MLLT11: variants seen among roughly 807,000 people sequenced by gnomAD.
The protein encoded by MLLT11 is MLLT11 transcription factor 7 cofactor.
MLLT11 carries 1 observed loss-of-function variant against 5.3 expected under a neutral mutation model. The ratio of observed to expected loss-of-function variants is 0.19; its 90% CI spans 0.07 to 0.89. MLLT11 has a LOEUF of 0.89. Ranked by LOEUF, MLLT11 falls within the 40% of genes least tolerant of loss-of-function variation. The pLI, the probability that MLLT11 is intolerant of heterozygous loss-of-function variation, is 0.67. For missense variants in MLLT11, 87 were observed against 107.3 expected, an observed-to-expected ratio of 0.81 and a Z score of 0.83; for synonymous variants, 38 against 41.7, an observed-to-expected ratio of 0.91 and a Z score of 0.34.
chr1:151,062,138 G>A (rs1022301720), intron 1 of MLLT11, among the ~76,000 whole-genome samples: 7 of 151,382 alleles, frequency 4.6e-5, no homozygotes, highest in Admixed American at 1.3e-4. Flanking sequence ...CCTAAACCAC[G>A]GAAAATCTAT....
Position 151,067,382 on chromosome 1 carries a change from C to A in MLLT11, c.158C>A (p.Thr53Asn). 1 of 1,614,174 alleles carries A rather than the reference C, an allele frequency of 6.2e-7. No individual in the cohort carries two copies. The highest frequency in any genetic ancestry group is 2.2e-5 in the East Asian group (1 of 44,880). ...SSVGKMIGQA[T>N]AADQEKNPEG... ...GTTGGCAAAATGATCGGGCAAGCAA[C>A]TGCAGCAGACCAGGAGAAAAACCCT... Residue 53 changes from threonine (T) to asparagine (N), a missense_variant, in exon 2 of 2, where the codon ACT (threonine) becomes AAT (asparagine). By Grantham distance (65) the Thr-to-Asn change is moderately conservative. Transcript: ENST00000368921.
At chr1:151,063,223 TAC>T (rs756107094) in intron 1 of MLLT11, among the ~76,000 whole-genome samples, 9 of 152,182 alleles carry the variant, frequency 5.9e-5, no homozygotes, top group Non-Finnish European at 1.2e-4. Context: ...TCTGCCTTAG[TAC>T]AGTCATTTCA....
intron 1 of MLLT11, among the ~76,000 whole-genome samples, chr1:151,062,137 C>T (rs1007210870): frequency 6.6e-6 from 1 of 151,702 alleles, no homozygotes; most frequent in East Asian, 1.9e-4. Context: ...ACCTAAACCA[C>T]GGAAAATCTA....
intron 1 of MLLT11, among the ~76,000 whole-genome samples, chr1:151,065,034 G>A (rs187138203): frequency 1.3e-5 from 2 of 152,254 alleles, no homozygotes; most frequent in African/African-American, 4.8e-5. Flanking sequence ...AGCATTTGTG[G>A]AGGGGAAGGG....
intron 1 of MLLT11, among the ~76,000 whole-genome samples, chr1:151,060,902 C>G (rs1676395935): frequency 6.6e-6 from 1 of 152,190 alleles, no homozygotes; most frequent in Non-Finnish European, 1.5e-5. Context: ...CTGTATCTCT[C>G]TGTCCTCTAC....
intron 1 of MLLT11, among the ~76,000 whole-genome samples, chr1:151,065,306 A>C (rs587662918): frequency 6.6e-6 from 1 of 152,188 alleles, no homozygotes; most frequent in Non-Finnish European, 1.5e-5. Flanking sequence ...TTCTGAGTTA[A>C]TATTTCATAA....
chr1:151,068,236 T>C lies in MLLT11; in HGVS notation c.*739T>C, dbSNP rs1676501484. On this transcript the variant is annotated 3_prime_UTR_variant, in exon 2 of 2. Transcript: ENST00000368921. The stretch of plus-strand genomic sequence containing the variant: ...TCTAGCTAAAGAAAGTTATCAAATC[T>C]TAACATGCATTCCTACTATTATGAT... 1.3e-5 allele frequency: 3 copies of C among 236,450 alleles called. No homozygotes were observed. The highest frequency in any genetic ancestry group is 2.7e-5 in the Non-Finnish European group (3 of 110,958). 14.6% of individuals were successfully genotyped at this position (236,450 alleles called of 1,614,324 possible). A position where few individuals can be genotyped will look rare whatever the true frequency, so the allele number is the denominator to read the frequency against.
Position 151,068,615 on chromosome 1 carries a change from ACT to A in MLLT11, c.*1121_*1122del, listed in dbSNP as rs1676508632. 1 of 169,084 alleles carries A rather than the reference ACT, an allele frequency of 5.9e-6. No individual in the cohort carries two copies. The highest frequency in any genetic ancestry group is 1.3e-5 in the Non-Finnish European group (1 of 77,702). 10.5% of individuals were successfully genotyped at this position (169,084 alleles called of 1,614,324 possible). A position where few individuals can be genotyped will look rare whatever the true frequency, so the allele number is the denominator to read the frequency against. On this transcript the variant is annotated 3_prime_UTR_variant, in exon 2 of 2. Coordinates refer to ENST00000368921, the MANE Select transcript of MLLT11 (RefSeq NM_006818.4). ...TTTTTTATTTTTGAGACAGGGTCCC[ACT>A]CTGTCACCCAGGCTGGAGTGCAGTG... is the stretch of plus-strand genomic sequence containing the variant.
chr1:151,061,892 T>C (rs1227530482), intron 1 of MLLT11, among the ~76,000 whole-genome samples: 2 of 152,200 alleles, frequency 1.3e-5, no homozygotes, highest in Non-Finnish European at 2.9e-5. Context: ...TCTGGGTCAA[T>C]GACATAGAGA....
At chr1:151,061,105 G>A (rs1196926785) in intron 1 of MLLT11, among the ~76,000 whole-genome samples, 1 of 152,160 alleles carries the variant, frequency 6.6e-6, no homozygotes, top group East Asian at 1.9e-4. Flanking sequence ...CTCTGTGTTG[G>A]AGAACTGCCT....
chr1:151,062,389 G>A (rs1225209591), intron 1 of MLLT11, among the ~76,000 whole-genome samples: 1 of 146,102 alleles, frequency 6.8e-6, no homozygotes, highest in African/African-American at 2.6e-5. Flanking sequence ...TTAAGATGGA[G>A]TCTCGCTCTG....
At chr1:151,067,068 A>G in intron 1 of MLLT11, 151 bp from the exon 2 acceptor site, 1 of 601,238 alleles carries the variant, frequency 1.7e-6, no homozygotes, top group Non-Finnish European at 2.7e-6. Context: ...TACTGGTGGG[A>G]TTGGAGGATA....
intron 1 of MLLT11, among the ~76,000 whole-genome samples, chr1:151,066,860 G>A (rs1371994367): frequency 1.3e-5 from 2 of 151,854 alleles, no homozygotes; most frequent in African/African-American, 4.8e-5. Flanking sequence ...AGGAGGTGGA[G>A]CTTGCAGTGA....
intron 1 of MLLT11, among the ~76,000 whole-genome samples, chr1:151,065,302 G>A (rs1360022891): frequency 1.3e-5 from 2 of 152,172 alleles, no homozygotes; most frequent in African/African-American, 4.8e-5. Flanking sequence ...GGCCTTCTGA[G>A]TTAATATTTC....
In MLLT11 at chr1:151,068,025, CTTT is replaced by C. The variant is rs1172550451; in HGVS notation, c.*534_*536del. The C allele has an allele frequency of 4.1e-6, 1 of 241,936 alleles. No individual in the cohort carries two copies. Among genetic ancestry groups the C allele is most frequent in the Admixed American group, 5.7e-5 (1 of 17,578 alleles). 15.0% of individuals were successfully genotyped at this position (241,936 alleles called of 1,614,324 possible). ...TTTTTTTTGATCCTGCTCTTATATT[CTTT>C]TTTTTCCTCAGAGAAATCAGGAGGG... is the stretch of plus-strand genomic sequence containing the variant. On this transcript the variant is annotated 3_prime_UTR_variant, in exon 2 of 2. Transcript: ENST00000368921.
chr1:151,061,358 T>C (rs1676404705), intron 1 of MLLT11, among the ~76,000 whole-genome samples: 4 of 152,214 alleles, frequency 2.6e-5, no homozygotes, highest in African/African-American at 7.2e-5. Flanking sequence ...TGAGTAGGCC[T>C]TGGATGCCCA....
intron 1 of MLLT11, among the ~76,000 whole-genome samples, chr1:151,066,883 C>T (rs1004186545): frequency 6.6e-6 from 1 of 151,578 alleles, no homozygotes; most frequent in Non-Finnish European, 1.5e-5. Context: ...CAAGATCGTG[C>T]CACTGCACTC....
chr1:151,067,298 C>T lies in MLLT11; in HGVS notation c.74C>T (p.Ser25Leu), dbSNP rs750166269. The T allele has an allele frequency of 1.3e-5, 21 of 1,613,986 alleles. No homozygotes were observed. Among genetic ancestry groups the T allele is most frequent in the South Asian group, 8.8e-5 (8 of 91,074 alleles). The change falls in exon 2 of 2, where the codon TCG becomes TTG. Residue 25 changes from serine (S) to leucine (L), a missense_variant. Transcript: ENST00000368921. ...WRMPIPELDL[S>L]ELEGLGLSDT... ...ATGCCCATCCCAGAACTGGATCTGT[C>T]GGAGCTGGAAGGCCTGGGTCTGTCA...
Position 151,060,538 on chromosome 1 carries a change from AATTG to A in MLLT11, c.-15_-12del, listed in dbSNP as rs1188302660. 3.3e-5 allele frequency: 5 copies of A among 152,248 alleles called. No individual in the cohort carries two copies. Among genetic ancestry groups the A allele is most frequent in the African/African-American group, 9.7e-5 (4 of 41,450 alleles). 9.4% of individuals were successfully genotyped at this position (152,248 alleles called of 1,614,324 possible). A position where few individuals can be genotyped will look rare whatever the true frequency, so the allele number is the denominator to read the frequency against. ...CCCTCCATCTTTGGAACACGCCAGT[AATTG>A]ATTGATAACAGGTAAACCAAACTGA... On this transcript the variant is annotated 5_prime_UTR_variant, in exon 1 of 2. Transcript: ENST00000368921.
Sources: allele counts gnomAD v4.1 joint callset (sites outside exome capture counted in the v4.1 genomes callset), GRCh38; gene constraint gnomAD v4.1.1; transcripts MANE v1.5; gene names NCBI Gene and HGNC (gene_info 2026-07-23, HGNC 2026-07-21).